The following TGFBI variants were observed in gnomAD, a reference collection of about 807,000 sequenced individuals.
The protein encoded by TGFBI is transforming growth factor beta induced.
In TGFBI, 50 loss-of-function variants were observed where a neutral mutation model predicts 73.7. That is an observed-to-expected ratio of 0.68 (90% CI 0.54 to 0.86). TGFBI has a LOEUF of 0.86. Among genes scored for constraint, TGFBI ranks in the 40% least tolerant of loss-of-function variants. The pLI, the probability that TGFBI is intolerant of heterozygous loss-of-function variation, is 0.00. For synonymous variants in TGFBI, 362 were observed against 360.5 expected (o/e 1.00, Z -0.05); for missense variants, 839 against 877.0 (o/e 0.96, Z 0.55).
chr5:136,059,750 C>A (rs545481235), intron 13 of TGFBI, among the ~76,000 whole-genome samples: 5 of 152,326 alleles, frequency 3.3e-5, no homozygotes, highest in African/African-American at 1.2e-4. Flanking sequence ...CTGCAGAGGC[C>A]ACTGACCCCT....
chr5:136,048,535 C>G (rs555970598), intron 6 of TGFBI: 1 of 152,370 alleles, frequency 6.6e-6, no homozygotes, highest in Admixed American at 6.5e-5. Flanking sequence ...AGACAACAAA[C>G]AAATCAACAA....
At chr5:136,035,493 C>G (rs1045663735) in intron 2 of TGFBI, among the ~76,000 whole-genome samples, 2 of 151,732 alleles carry the variant, frequency 1.3e-5, no homozygotes, top group African/African-American at 4.8e-5. Context: ...GGCGTGGTGG[C>G]GGGCACCTGT....
intron 11 of TGFBI, among the ~76,000 whole-genome samples, chr5:136,056,175 G>A (rs1185016089): frequency 1.3e-5 from 2 of 152,192 alleles, no homozygotes; most frequent in Non-Finnish European, 2.9e-5. Context: ...TCTCTGCGCA[G>A]TATCTGTTTA....
chr5:136,032,100 C>T (rs1029634011), intron 1 of TGFBI, among the ~76,000 whole-genome samples: 4 of 152,204 alleles, frequency 2.6e-5, no homozygotes, highest in Non-Finnish European at 5.9e-5. Context: ...AAGGACTCTT[C>T]AGGGGTTATT....
intron 7 of TGFBI, among the ~76,000 whole-genome samples, chr5:136,051,102 C>T (rs1751524787): frequency 6.6e-6 from 1 of 152,184 alleles, no homozygotes; most frequent in Non-Finnish European, 1.5e-5. Flanking sequence ...CCTATTAAAA[C>T]ATGATTTGCA....
chr5:136,044,932 A>C (rs1450565569), intron 3 of TGFBI: 1 of 152,222 alleles, frequency 6.6e-6, no homozygotes, highest in East Asian at 1.9e-4. Flanking sequence ...TCTCAAGATT[A>C]CTTATAATAC....
chr5:136,055,187 C>G (rs1165013461), intron 10 of TGFBI: 2 of 292,360 alleles, frequency 6.8e-6, no homozygotes, highest in Non-Finnish European at 1.3e-5. Flanking sequence ...AGAGAAGCCC[C>G]CTAAACTAAA....
chr5:136,051,769 G>A (rs1580717689), intron 7 of TGFBI, among the ~76,000 whole-genome samples: 1 of 152,146 alleles, frequency 6.6e-6, no homozygotes, highest in South Asian at 2.1e-4. Context: ...CTACCACATC[G>A]TGGACTTCAC....
intron 2 of TGFBI, among the ~76,000 whole-genome samples, chr5:136,042,036 C>T (rs913780201): frequency 5.9e-5 from 9 of 152,366 alleles, no homozygotes; most frequent in Non-Finnish European, 1.2e-4. Context: ...AACTCTGCTT[C>T]AGCATCTCCA....
At chr5:136,038,853 A>G (rs910151479) in intron 2 of TGFBI, among the ~76,000 whole-genome samples, 11 of 152,202 alleles carry the variant, frequency 7.2e-5, no homozygotes. Context: ...AGGACGAGCA[A>G]TGGATTCTTC....
At position 136,047,396 on chromosome 5, in the gene TGFBI, C is replaced by T. The variant is rs772472646; in HGVS notation, c.747C>T (p.Ile249=). Residue 249 remains isoleucine, a synonymous_variant, in exon 6 of 17, where the codon ATC becomes ATT. Coordinates refer to ENST00000442011, the MANE Select transcript of TGFBI (RefSeq NM_000358.3). The part of the protein sequence containing the change: ...ITNNIQQIIE[I]EDTFETLRAA... The stretch of plus-strand genomic sequence containing the variant: ...ACAACATCCAGCAGATCATTGAGAT[C>T]GAGGACACCTTTGAGACCCTTCGGG... 33 of 1,613,872 alleles carry T rather than the reference C, an allele frequency of 2.0e-5. No homozygotes were observed. Among genetic ancestry groups the T allele is most frequent in the South Asian group, 1.6e-4 (15 of 91,070 alleles).
chr5:136,046,287 G>A lies in TGFBI; in HGVS notation c.299-48G>A, dbSNP rs756965970. On this transcript the variant is annotated intron_variant, in intron 3 of 16. Transcript: ENST00000442011. ...TGTCAGAGAAGGGAGGGTGTGGTTG[G>A]GCTGGACCCCCAGAGGCCATCCCTC... 1.1e-5 allele frequency: 17 copies of A among 1,609,402 alleles called. No individual in the cohort carries two copies. In the South Asian group the frequency reaches 1.8e-4, roughly 17 times the overall value.
rs552505442 is a variant in TGFBI at position 136,058,354 on chromosome 5, C to T, written c.1679-736C>T. 1.8e-4 allele frequency among the ~76,000 whole-genome samples: 27 copies of T among 152,250 alleles called. No individual in the cohort carries two copies. The South Asian group carries it at 3.5e-3, about 20-fold the overall frequency. ...CCCTTTGGCTGGTAATGGGAGTATC[C>T]GAGATGAGAGGGCAGCTGGAAACTT... On this transcript the variant is annotated intron_variant, in intron 12 of 16. Transcript: ENST00000442011.
At chr5:136,044,438 G>C (rs1236901780) in intron 3 of TGFBI, among the ~76,000 whole-genome samples, 1 of 152,242 alleles carries the variant, frequency 6.6e-6, no homozygotes, top group Admixed American at 6.5e-5. Flanking sequence ...CTCTGGCTGG[G>C]AGTGATTCTA....
chr5:136,029,230 T>TAGTC, intron 1 of TGFBI, 41 bp downstream of exon 1: 1 of 1,429,600 alleles, frequency 7.0e-7, no homozygotes, highest in East Asian at 2.9e-5. Context: ...GAAGGTCAGG[T>TAGTC]AGTCGGGGCT....
In TGFBI at chr5:136,063,490, G is replaced by T; in HGVS notation, c.*264G>T. 1 of 457,964 alleles carries T rather than the reference G, an allele frequency of 2.2e-6. No individual in the cohort carries two copies. The highest frequency in any genetic ancestry group is 3.9e-6 in the Non-Finnish European group (1 of 253,752). 28.4% of individuals were successfully genotyped at this position (457,964 alleles called of 1,614,324 possible). Reference sequence around the variant, plus strand: ...CTGCCTGACATTCACTTCCAGAGAGGACCTATCCCAAATGTGGAATTGACT... The same window carrying T: ...CTGCCTGACATTCACTTCCAGAGAGTACCTATCCCAAATGTGGAATTGACT... On this transcript the variant is annotated 3_prime_UTR_variant, in exon 17 of 17. Transcript: ENST00000442011.
intron 4 of TGFBI, 121 bp downstream of exon 4, chr5:136,046,616 T>A: frequency 1.5e-6 from 2 of 1,343,370 alleles, no homozygotes; most frequent in Non-Finnish European, 9.9e-7. Context: ...GCTTTCTCCT[T>A]AACCCCTTAG....
At chr5:136,035,548 C>T (rs1751203069) in intron 2 of TGFBI, among the ~76,000 whole-genome samples, 1 of 149,746 alleles carries the variant, frequency 6.7e-6, no homozygotes, top group Admixed American at 6.6e-5. Flanking sequence ...TGGCGTGAAC[C>T]TGGGAGGCGG....
Position 136,049,523 on chromosome 5 carries a change from G to A in TGFBI, c.856G>A (p.Glu286Lys), listed in dbSNP as rs375533446. 183 of 1,613,950 alleles carry A rather than the reference G, an allele frequency of 1.1e-4. 2 individuals carry two copies. In the South Asian group the frequency reaches 1.9e-3, roughly 17 times the overall value. The change falls in exon 7 of 17, where the codon GAG becomes AAG. Residue 286 changes from glutamate to lysine, a missense_variant. Transcript: ENST00000442011. ...TTTGGCCCCGACCAATGAGGCCTTC[G>A]AGAAGATCCCTAGTGAGACTTTGAA... The part of the protein sequence containing the change: ...TLLAPTNEAF[E>K]KIPSETLNRI...
Sources: gnomAD v4.1 joint callset for allele counts (sites outside exome capture counted in the v4.1 genomes callset) on GRCh38, gnomAD v4.1.1 for gene constraint, MANE v1.5 for transcripts, NCBI Gene and HGNC (gene_info 2026-07-23, HGNC 2026-07-21) for gene names.